The following NMNAT3 variants were observed in gnomAD, a reference collection of about 807,000 sequenced individuals.
NMNAT3 encodes the protein nicotinamide nucleotide adenylyltransferase 3, also known as nicotinamide/nicotinic acid mononucleotide adenylyltransferase 3.
NMNAT3 carries 21 observed loss-of-function variants against 24.8 expected under a neutral mutation model. The ratio of observed to expected loss-of-function variants is 0.85; its 90% confidence interval spans 0.60 to 1.22. The LOEUF is 1.22. NMNAT3 is among the 50% of genes most tolerant of loss of function. The probability of loss-of-function intolerance (pLI) is 0.00; values close to 1 mark genes in which losing one functional copy is unlikely to be tolerated. For missense variants in NMNAT3, 387 were observed against 436.6 expected, an observed-to-expected ratio of 0.89 and a Z score of 1.01; for synonymous variants, 136 against 155.2, an observed-to-expected ratio of 0.88 and a Z score of 0.92.
intron 6 of NMNAT3, among the ~76,000 whole-genome samples, chr3:139,564,197 A>G (rs1287822086): frequency 6.6e-6 from 1 of 152,184 alleles, no homozygotes; most frequent in Non-Finnish European, 1.5e-5. Context: ...AGTGATGGAG[A>G]GAATGCAATG....
chr3:139,648,780 T>C (rs1255225718), intron 1 of NMNAT3, among the ~76,000 whole-genome samples: 1 of 152,224 alleles, frequency 6.6e-6, no homozygotes, highest in Non-Finnish European at 1.5e-5. Flanking sequence ...CATGTAATAC[T>C]ATGCAGCTAT....
At chr3:139,602,738 T>G (rs2108224403) in intron 3 of NMNAT3, among the ~76,000 whole-genome samples, 1 of 152,344 alleles carries the variant, frequency 6.6e-6, no homozygotes, top group South Asian at 2.1e-4. Context: ...AATGATCAAA[T>G]TACTAATTTT....
chr3:139,572,908 G>A (rs749502659), intron 6 of NMNAT3, among the ~76,000 whole-genome samples: 5 of 152,142 alleles, frequency 3.3e-5, no homozygotes, highest in Non-Finnish European at 4.4e-5. Flanking sequence ...AACCAAAGTC[G>A]GGAGACCCTG....
chr3:139,618,617 G>A (rs772120150), intron 3 of NMNAT3, among the ~76,000 whole-genome samples: 10 of 152,184 alleles, frequency 6.6e-5, no homozygotes, highest in Non-Finnish European at 1.5e-4. Context: ...TGAAAATTGT[G>A]AATTGTTTTA....
At chr3:139,670,208 C>G (rs2057713772) in intron 1 of NMNAT3, among the ~76,000 whole-genome samples, 1 of 152,190 alleles carries the variant, frequency 6.6e-6, no homozygotes, top group African/African-American at 2.4e-5. Flanking sequence ...AAGGGAAGAA[C>G]AGTACAGCAG....
At chr3:139,616,760 ACTCTT>A (rs2055522502) in intron 3 of NMNAT3, among the ~76,000 whole-genome samples, 1 of 150,346 alleles carries the variant, frequency 6.7e-6, no homozygotes, top group Non-Finnish European at 1.5e-5. Context: ...CTCTTCATCC[ACTCTT>A]CTCTCTCTCT....
intron 6 of NMNAT3, chr3:139,570,505 G>A (rs571167319): frequency 1.2e-4 from 19 of 152,260 alleles, no homozygotes; most frequent in African/African-American, 2.9e-4. Flanking sequence ...TGATGGTGAC[G>A]TATAGATGGG....
intron 3 of NMNAT3, among the ~76,000 whole-genome samples, chr3:139,607,835 A>G (rs2055014325): frequency 6.6e-6 from 1 of 152,158 alleles, no homozygotes; most frequent in South Asian, 2.1e-4. Flanking sequence ...AGTTTATAAA[A>G]TCTATTCTTA....
chr3:139,622,800 G>C (rs1359922818), intron 3 of NMNAT3, among the ~76,000 whole-genome samples: 1 of 136,538 alleles, frequency 7.3e-6, no homozygotes, highest in African/African-American at 2.7e-5. Flanking sequence ...TGATATATAT[G>C]ATATATATAT....
At chr3:139,616,599 C>G (rs1339472798) in intron 3 of NMNAT3, among the ~76,000 whole-genome samples, 1 of 152,184 alleles carries the variant, frequency 6.6e-6, no homozygotes, top group Non-Finnish European at 1.5e-5. Context: ...AGGACTCTCT[C>G]TTTCTAGTGG....
intron 3 of NMNAT3, among the ~76,000 whole-genome samples, chr3:139,615,648 C>G (rs1445909190): frequency 6.6e-6 from 1 of 152,152 alleles, no homozygotes; most frequent in African/African-American, 2.4e-5. Context: ...CAGTGAGATG[C>G]GTGACTTCCA....
intron 3 of NMNAT3, among the ~76,000 whole-genome samples, chr3:139,626,168 A>G (rs565488716): frequency 1.3e-5 from 2 of 152,148 alleles, no homozygotes; most frequent in African/African-American, 4.8e-5. Flanking sequence ...TCAAATTTGG[A>G]GAAATTTCAG....
rs150496158 is a variant in NMNAT3 at position 139,656,610 on chromosome 3, A to G, written c.-140-18548T>C. ...TGAGACCAGCCTGGGCAACACAGTA[A>G]GACCCCCATATCTACAAAACTGTTT... On this transcript the variant is annotated intron_variant, in intron 1 of 6. Transcript: ENST00000643695. Among the ~76,000 whole-genome samples, 870 of 152,292 alleles carry G rather than the reference A, an allele frequency of 5.7e-3. 8 individuals are homozygous for G. The highest frequency in any genetic ancestry group is 0.02 in the African/African-American group (843 of 41,568).
chr3:139,608,327 T>G (rs913910787), intron 3 of NMNAT3, among the ~76,000 whole-genome samples: 2 of 20,670 alleles, frequency 9.7e-5, no homozygotes, highest in Non-Finnish European at 3.5e-3. Context: ...GACTGGGGCT[T>G]TACCTAACAA....
chr3:139,606,544 T>C (rs1045268075), intron 3 of NMNAT3, among the ~76,000 whole-genome samples: 12 of 152,236 alleles, frequency 7.9e-5, no homozygotes, highest in Admixed American at 2.6e-4. Context: ...GTAAATAATA[T>C]GTGTCCTGTA....
chr3:139,655,369 C>T (rs2057206144), intron 1 of NMNAT3, among the ~76,000 whole-genome samples: 1 of 152,188 alleles, frequency 6.6e-6, no homozygotes, highest in Non-Finnish European at 1.5e-5. Flanking sequence ...CTCAGGGATG[C>T]TTTCCTTTAT....
intron 3 of NMNAT3, among the ~76,000 whole-genome samples, chr3:139,600,047 G>A (rs956739539): frequency 1.3e-5 from 2 of 152,176 alleles, no homozygotes; most frequent in Non-Finnish European, 2.9e-5. Context: ...GTGCTCTTCT[G>A]TCTGGCTTCA....
At position 139,587,794 on chromosome 3, in the gene NMNAT3, G is replaced by A. The variant is rs547726420; in HGVS notation, c.110-4586C>T. On this transcript the variant is annotated intron_variant, in intron 3 of 6. Transcript: ENST00000643695. ...CTTCTTTTTCTCTTCCTGTTTAAAA[G>A]AAATGGGGGTTGGGAGGACTAACTC... is the stretch of plus-strand genomic sequence containing the variant. Among the ~76,000 whole-genome samples, 5 of 152,294 alleles carry A rather than the reference G, an allele frequency of 3.3e-5. No individual in the cohort carries two copies. The South Asian group carries it at 1.0e-3, about 32-fold the overall frequency.
At chr3:139,608,760 G>A (rs955461476) in intron 3 of NMNAT3, among the ~76,000 whole-genome samples, 3 of 152,038 alleles carry the variant, frequency 2.0e-5, no homozygotes, top group African/African-American at 7.2e-5. Context: ...TTGATTGTGT[G>A]GTAGTTCTGT....
Sources: gnomAD v4.1 joint callset for allele counts (sites outside exome capture counted in the v4.1 genomes callset) on GRCh38, gnomAD v4.1.1 for gene constraint, MANE v1.5 for transcripts, NCBI Gene and HGNC (gene_info 2026-07-23, HGNC 2026-07-21) for gene names.